TANK: variants seen among roughly 807,000 people sequenced by gnomAD.
TANK encodes the protein TRAF family member-associated NF-kappa-B activator.
TANK carries 15 observed loss-of-function variants against 43.6 expected under a neutral mutation model. That is an observed-to-expected ratio of 0.34 (90% CI 0.23 to 0.53). The LOEUF (loss-of-function observed/expected upper bound fraction) is 0.53, where lower values mean the gene tolerates loss of function less well. Among genes scored for constraint, TANK ranks in the 20% least tolerant of loss-of-function variants. The pLI is 0.94. For missense variants in TANK, 417 were observed against 498.6 expected, an observed-to-expected ratio of 0.84 and a Z score of 1.56; for synonymous variants, 162 against 178.2, an observed-to-expected ratio of 0.91 and a Z score of 0.73.
At chr2:161,149,755 T>C (rs1684020539) in intron 1 of TANK, among the ~76,000 whole-genome samples, 1 of 151,990 alleles carries the variant, frequency 6.6e-6, no homozygotes, top group Admixed American at 6.5e-5. Flanking sequence ...TTTTTTTTTT[T>C]TTCCATTTTT....
At position 161,179,627 on chromosome 2, in the gene TANK, T is replaced by C. The variant is rs1255609855; in HGVS notation, c.-36T>C. On this transcript the variant is annotated 5_prime_UTR_variant, in exon 2 of 8. Transcript: ENST00000392749. ...ATTATTTTGCAGACCTGTCATTTACTCCATCCTTTATAGTGATGCTACAGG... is the reference window on the plus strand; with the variant it reads ...ATTATTTTGCAGACCTGTCATTTACCCCATCCTTTATAGTGATGCTACAGG... 6.2e-7 allele frequency: 1 copy of C among 1,609,878 alleles called. No individual in the cohort carries two copies. The highest frequency in any genetic ancestry group is 8.5e-7 in the Non-Finnish European group (1 of 1,177,960).
chr2:161,174,709 C>T (rs1313865555), intron 1 of TANK, among the ~76,000 whole-genome samples: 3 of 152,132 alleles, frequency 2.0e-5, no homozygotes, highest in Non-Finnish European at 4.4e-5. Context: ...ATTTCCACCT[C>T]TACTTGCTTT....
chr2:161,180,064 A>G (rs2105295919), intron 2 of TANK: 1 of 1,033,498 alleles, frequency 9.7e-7, no homozygotes, highest in South Asian at 4.5e-5. Context: ...GGAAATAACT[A>G]TAAAAACAGT....
intron 1 of TANK, chr2:161,139,779 C>T (rs1683688381): frequency 2.0e-6 from 2 of 985,372 alleles, no homozygotes; most frequent in Non-Finnish European, 2.4e-6. Context: ...AGCCAAGTAA[C>T]CCTATCCAGG....
intron 1 of TANK, among the ~76,000 whole-genome samples, chr2:161,167,481 A>G (rs541752175): frequency 1.3e-5 from 2 of 152,332 alleles, no homozygotes; most frequent in Admixed American, 6.5e-5. Flanking sequence ...TCTATTGTCA[A>G]CCTAAAGAAA....
At chr2:161,201,811 C>G (rs1412217993) in intron 2 of TANK, among the ~76,000 whole-genome samples, 4 of 152,104 alleles carry the variant, frequency 2.6e-5, no homozygotes, top group African/African-American at 9.7e-5. Context: ...GATGTCTTAT[C>G]CTGGGAAGCC....
intron 1 of TANK, chr2:161,160,964 C>T (rs982831246): frequency 2.6e-5 from 11 of 431,308 alleles, no homozygotes; most frequent in African/African-American, 4.0e-5. Flanking sequence ...TGCACAATTC[C>T]CCTCTGCCTT....
At chr2:161,157,794 C>T (rs1684264867), upstream of TANK, among the ~76,000 whole-genome samples, 1 of 152,020 alleles carries the variant, frequency 6.6e-6, no homozygotes, top group South Asian at 2.1e-4. Context: ...AGTGATCCTC[C>T]TGCCTCAGCC....
At chr2:161,225,142 G>A (rs1687546819) in intron 6 of TANK, among the ~76,000 whole-genome samples, 1 of 152,102 alleles carries the variant, frequency 6.6e-6, no homozygotes, top group Non-Finnish European at 1.5e-5. Context: ...TATTATATGA[G>A]CTAAGTAAAA....
chr2:161,228,450 G>A (rs1231846518), intron 6 of TANK, among the ~76,000 whole-genome samples: 1 of 152,190 alleles, frequency 6.6e-6, no homozygotes, highest in Admixed American at 6.5e-5. Flanking sequence ...AGAATCACTT[G>A]AACCTGGGAG....
intron 2 of TANK, among the ~76,000 whole-genome samples, chr2:161,198,883 G>A (rs1345460220): frequency 2.0e-5 from 3 of 152,178 alleles, no homozygotes; most frequent in Non-Finnish European, 2.9e-5. Context: ...TCTTGGTACT[G>A]GAGGGTGGGA....
intron 2 of TANK, among the ~76,000 whole-genome samples, chr2:161,193,614 T>A (rs544480172): frequency 6.6e-6 from 1 of 152,336 alleles, no homozygotes; most frequent in South Asian, 2.1e-4. Context: ...CACAGGTGAC[T>A]AGAACAGGGC....
intron 7 of TANK, among the ~76,000 whole-genome samples, chr2:161,234,352 ATTC>A (rs1688068371): frequency 6.6e-6 from 1 of 152,194 alleles, no homozygotes; most frequent in Non-Finnish European, 1.5e-5. Flanking sequence ...TTATGAGATG[ATTC>A]TTCTTAAAAT....
chr2:161,209,954 T>A (rs1352878523), intron 4 of TANK, among the ~76,000 whole-genome samples: 1 of 152,216 alleles, frequency 6.6e-6, no homozygotes, highest in Non-Finnish European at 1.5e-5. Context: ...AAATAGAGTT[T>A]ATGTGTTCTC....
At chr2:161,230,162 A>T (rs1687837160) in intron 6 of TANK, among the ~76,000 whole-genome samples, 1 of 152,226 alleles carries the variant, frequency 6.6e-6, no homozygotes, top group Non-Finnish European at 1.5e-5. Context: ...ATCTAAAATG[A>T]CAATAGGAAC....
At chr2:161,142,874 G>A (rs1683792713) in intron 1 of TANK, among the ~76,000 whole-genome samples, 1 of 152,128 alleles carries the variant, frequency 6.6e-6, no homozygotes, top group South Asian at 2.1e-4. Context: ...GTCAGTGGTA[G>A]TTTGATGGAA....
chr2:161,175,083 G>C (rs1287795436), intron 1 of TANK, among the ~76,000 whole-genome samples: 2 of 152,040 alleles, frequency 1.3e-5, no homozygotes, highest in Non-Finnish European at 2.9e-5. Context: ...CCAAACTCTA[G>C]CCTTTTGGAT....
chr2:161,199,574 G>A (rs1686311515), intron 2 of TANK, among the ~76,000 whole-genome samples: 2 of 152,114 alleles, frequency 1.3e-5, no homozygotes, highest in East Asian at 1.9e-4. Flanking sequence ...CCTTAGTTTT[G>A]AAGAGGAAAT....
At chr2:161,164,353 C>G (rs1030082699) in intron 1 of TANK, among the ~76,000 whole-genome samples, 1 of 152,136 alleles carries the variant, frequency 6.6e-6, no homozygotes, top group African/African-American at 2.4e-5. Context: ...GTTTTAGTTT[C>G]TATTTCCTGT....
Sources: gnomAD v4.1 joint callset for allele counts (sites outside exome capture counted in the v4.1 genomes callset) on GRCh38, gnomAD v4.1.1 for gene constraint, MANE v1.5 for transcripts, NCBI Gene and HGNC (gene_info 2026-07-23, HGNC 2026-07-21) for gene names.